Variants in RBMS3 observed in about 807,000 individuals in gnomAD.
RBMS3 encodes RNA-binding motif, single-stranded-interacting protein 3.
In RBMS3, 27 loss-of-function variants were observed where a neutral mutation model predicts 66.8. The observed-to-expected ratio is 0.40, with a 90% confidence interval of 0.30 to 0.56. RBMS3 has a LOEUF of 0.56. Among genes scored for constraint, RBMS3 ranks in the 20% least tolerant of loss-of-function variants. The pLI is 0.40. For synonymous variants in RBMS3, 188 were observed against 183.0 expected, an observed-to-expected ratio of 1.03 and a Z score of -0.22; for missense variants, 513 against 549.5, an observed-to-expected ratio of 0.93 and a Z score of 0.66.
At position 29,732,551 on chromosome 3, in the gene RBMS3, G is replaced by A. The variant is rs79692287; in HGVS notation, c.400-7169G>A. Among the ~76,000 whole-genome samples, 565 of 152,110 alleles carry A rather than the reference G, an allele frequency of 3.7e-3. 2 individuals are homozygous for A. The highest frequency in any genetic ancestry group is 0.013 in the African/African-American group (546 of 41,474). ...AATATATAATACTGAAGCAAGTATG[G>A]CTGAAACAGCAGGCTTCCATCAGTT... On this transcript the variant is annotated intron_variant, in intron 4 of 14. Coordinates refer to ENST00000383767, the MANE Select transcript of RBMS3 (RefSeq NM_001003793.3).
rs540053072 is a variant in RBMS3, at chr3:29,777,902, T to C, written c.637+14913T>C. Among the ~76,000 whole-genome samples, 11 of 152,028 alleles carry C rather than the reference T, an allele frequency of 7.2e-5. No homozygotes were observed. The East Asian group carries it at 1.5e-3, about 21-fold the overall frequency. Reference sequence around the variant, plus strand: ...CTTCAGGTCCTGTCCTTGTAGTACATTGGGGTTGTAGTGGCCTGTGCCACC... The same window carrying C: ...CTTCAGGTCCTGTCCTTGTAGTACACTGGGGTTGTAGTGGCCTGTGCCACC... On this transcript the variant is annotated intron_variant, in intron 6 of 14. Transcript: ENST00000383767.
chr3:29,587,007 T>C (rs942170329), intron 3 of RBMS3, 107 bp from the exon 4 acceptor site: 1 of 773,254 alleles, frequency 1.3e-6, no homozygotes, highest in Non-Finnish European at 2.1e-6. Flanking sequence ...CAGGGTAATA[T>C]GTCAGAAGAA....
intron 7 of RBMS3, among the ~76,000 whole-genome samples, chr3:29,878,893 A>C (rs2149570107): frequency 6.6e-6 from 1 of 152,164 alleles, no homozygotes; most frequent in South Asian, 2.1e-4. Context: ...AAAAATTTAA[A>C]TAAAATTAGC....
chr3:29,372,876 GA>G (rs1482959445), intron 1 of RBMS3, among the ~76,000 whole-genome samples: 1 of 147,294 alleles, frequency 6.8e-6, no homozygotes, highest in Non-Finnish European at 1.5e-5. Flanking sequence ...ATGTTTCAGT[GA>G]GAGAGAAAAA....
At chr3:29,622,327 G>A (rs2048894927) in intron 4 of RBMS3, among the ~76,000 whole-genome samples, 1 of 152,182 alleles carries the variant, frequency 6.6e-6, no homozygotes, top group Non-Finnish European at 1.5e-5. Context: ...AGCACATAGG[G>A]TGATGTGATA....
At chr3:29,487,648 G>A (rs569550514) in intron 2 of RBMS3, among the ~76,000 whole-genome samples, 18 of 151,928 alleles carry the variant, frequency 1.2e-4, no homozygotes, top group Admixed American at 2.6e-4. Context: ...ACTCTGTGTC[G>A]GCCACTGTCC....
At chr3:29,348,013 G>A (rs559432200) in intron 1 of RBMS3, among the ~76,000 whole-genome samples, 1 of 152,240 alleles carries the variant, frequency 6.6e-6, no homozygotes, top group South Asian at 2.1e-4. Flanking sequence ...AATTTACTGA[G>A]TGTAGGGTCT....
intron 7 of RBMS3, among the ~76,000 whole-genome samples, chr3:29,877,747 G>GT (rs1453857852): frequency 6.6e-6 from 1 of 152,102 alleles, no homozygotes; most frequent in East Asian, 1.9e-4. Context: ...TGCCGGAGTT[G>GT]TTCCCCGGTA....
chr3:29,978,643 TA>T (rs918654437), intron 12 of RBMS3, among the ~76,000 whole-genome samples: 1 of 151,260 alleles, frequency 6.6e-6, no homozygotes, highest in African/African-American at 2.4e-5. Flanking sequence ...AAGTGAAGGT[TA>T]AAAAAAATGG....
At chr3:29,803,442 T>C (rs1457284425) in intron 6 of RBMS3, among the ~76,000 whole-genome samples, 21 of 152,116 alleles carry the variant, frequency 1.4e-4, no homozygotes, top group Non-Finnish European at 5.9e-5. Context: ...CACAGCATAA[T>C]ATAAATAGTT....
chr3:29,981,920 G>A (rs946293608), intron 12 of RBMS3, among the ~76,000 whole-genome samples: 21 of 152,078 alleles, frequency 1.4e-4, no homozygotes, highest in African/African-American at 4.3e-4. Context: ...TTTTGGTATC[G>A]GGGTGATGCC....
intron 1 of RBMS3, among the ~76,000 whole-genome samples, chr3:29,294,037 TAGTCTGTAAAC>T (rs2033045752): frequency 6.6e-6 from 1 of 151,848 alleles, no homozygotes; most frequent in South Asian, 2.1e-4. Flanking sequence ...GTGTCAGAGT[TAGTCTGTAAAC>T]AGTCTGAGAA....
intron 5 of RBMS3, among the ~76,000 whole-genome samples, chr3:29,740,689 T>C (rs9990293): frequency 6.6e-6 from 1 of 152,178 alleles, no homozygotes; most frequent in African/African-American, 2.4e-5. Context: ...AGCTGATTTA[T>C]CATGGATGAA....
At chr3:29,897,744 C>G (rs1210949396) in intron 9 of RBMS3, among the ~76,000 whole-genome samples, 1 of 151,628 alleles carries the variant, frequency 6.6e-6, no homozygotes, top group Admixed American at 6.6e-5. Flanking sequence ...TAATACAGCT[C>G]TCTCACCACT....
At chr3:29,465,476 G>A (rs938929347) in intron 2 of RBMS3, among the ~76,000 whole-genome samples, 2 of 149,320 alleles carry the variant, frequency 1.3e-5, no homozygotes, top group African/African-American at 2.5e-5. Context: ...CCTATTGGAC[G>A]GTCTTCATTT....
intron 6 of RBMS3, among the ~76,000 whole-genome samples, chr3:29,780,165 A>G (rs2056578632): frequency 6.6e-6 from 1 of 151,984 alleles, no homozygotes; most frequent in Non-Finnish European, 1.5e-5. Context: ...TTGACTTTAA[A>G]TTGATGAGAA....
chr3:29,620,011 A>G (rs1435868917), intron 4 of RBMS3, among the ~76,000 whole-genome samples: 1 of 152,164 alleles, frequency 6.6e-6, no homozygotes, highest in Non-Finnish European at 1.5e-5. Context: ...AGAGAATAAA[A>G]ATCGGGGAGC....
At chr3:29,537,060 C>G (rs1480134411) in intron 3 of RBMS3, among the ~76,000 whole-genome samples, 1 of 152,106 alleles carries the variant, frequency 6.6e-6, no homozygotes, top group Non-Finnish European at 1.5e-5. Flanking sequence ...AAAATGATGG[C>G]TTCCCCATAT....
At chr3:29,374,107 G>T (rs1449026671) in intron 1 of RBMS3, among the ~76,000 whole-genome samples, 1 of 152,020 alleles carries the variant, frequency 6.6e-6, no homozygotes, top group Non-Finnish European at 1.5e-5. Context: ...ATCAGCCTGG[G>T]GACTATAACC....
Sources: gnomAD v4.1 joint callset for allele counts (sites outside exome capture counted in the v4.1 genomes callset) on GRCh38, gnomAD v4.1.1 for gene constraint, MANE v1.5 for transcripts, NCBI Gene and HGNC (gene_info 2026-07-23, HGNC 2026-07-21) for gene names.